Variants in CALN1 observed in about 807,000 individuals in gnomAD.
The protein encoded by CALN1 is calneuron 1, also known as calcium-binding protein 8.
CALN1 carries 17 observed loss-of-function variants against 30.6 expected under a neutral mutation model. The ratio of observed to expected loss-of-function variants is 0.56; its 90% CI spans 0.38 to 0.83. The LOEUF (loss-of-function observed/expected upper bound fraction) is 0.83. Among genes scored for constraint, CALN1 ranks in the 40% least tolerant of loss-of-function variants. CALN1 has a pLI of 0.00. For missense variants in CALN1, 291 were observed against 354.9 expected, an observed-to-expected ratio of 0.82 and a Z score of 1.45; for synonymous variants, 156 against 131.4, an observed-to-expected ratio of 1.19 and a Z score of -1.28.
At chr7:71,893,110 T>C (rs1793338636) in intron 5 of CALN1, among the ~76,000 whole-genome samples, 1 of 152,250 alleles carries the variant, frequency 6.6e-6, no homozygotes, top group Non-Finnish European at 1.5e-5. Flanking sequence ...CCACATTTTC[T>C]TGATAAGCTA....
chr7:71,895,265 T>C (rs2116905756), intron 5 of CALN1, among the ~76,000 whole-genome samples: 2 of 152,272 alleles, frequency 1.3e-5, no homozygotes, highest in Middle Eastern at 6.8e-3. Context: ...TTGAATTTCA[T>C]TTTCAATTTG....
intron 1 of CALN1, among the ~76,000 whole-genome samples, chr7:72,437,131 T>C (rs1347784316): frequency 1.3e-5 from 2 of 151,482 alleles, no homozygotes; most frequent in African/African-American, 4.9e-5. Flanking sequence ...TTAGAAACAC[T>C]CAAATTTTAG....
chr7:72,207,333 T>A (rs1210339910), intron 3 of CALN1, among the ~76,000 whole-genome samples: 1 of 152,130 alleles, frequency 6.6e-6, no homozygotes, highest in Non-Finnish European at 1.5e-5. Context: ...GACTTCTTGT[T>A]TTTCAAGTCT....
At chr7:72,448,608 G>T (rs540839554), upstream of CALN1, among the ~76,000 whole-genome samples, 1 of 151,584 alleles carries the variant, frequency 6.6e-6, no homozygotes, top group African/African-American at 2.4e-5. Flanking sequence ...GGCACCTTGC[G>T]TGATCTTTTT....
At chr7:71,988,580 G>A (rs1798796728) in intron 5 of CALN1, among the ~76,000 whole-genome samples, 1 of 152,080 alleles carries the variant, frequency 6.6e-6, no homozygotes, top group Non-Finnish European at 1.5e-5. Context: ...TTTATCTCCA[G>A]GTCACAGTTG....
chr7:71,985,401 T>C (rs541065352), intron 5 of CALN1, among the ~76,000 whole-genome samples: 274 of 152,090 alleles, frequency 1.8e-3, no homozygotes, highest in African/African-American at 6.0e-3. Flanking sequence ...CCCAGTACTT[T>C]GGGAAGCCGA....
intron 3 of CALN1, among the ~76,000 whole-genome samples, chr7:72,223,205 T>C (rs11972942): frequency 0.56 from 85,398 of 151,824 alleles, 24,265 homozygotes; most frequent in South Asian, 0.65. Context: ...GAAGAGGGGT[T>C]CCCATTCTTC....
the CALN1 span, among the ~76,000 whole-genome samples, chr7:72,503,973 A>G: frequency 6.6e-6 from 1 of 152,144 alleles, no homozygotes; most frequent in Admixed American, 6.6e-5. Context: ...CAAGAGCTGT[A>G]GCAACAAATC....
chr7:72,214,218 G>A (rs1206002704), intron 3 of CALN1, among the ~76,000 whole-genome samples: 7 of 152,202 alleles, frequency 4.6e-5, no homozygotes, highest in Admixed American at 3.3e-4. Flanking sequence ...AGTGGCTCAC[G>A]CCTGTAATCC....
chr7:71,971,953 A>AAAAAAAAGAAAGAAAGAAAG (rs1797839188), intron 5 of CALN1, among the ~76,000 whole-genome samples: 3 of 72,822 alleles, frequency 4.1e-5, no homozygotes, highest in South Asian at 7.1e-4. Context: ...AAAAAAAAAA[A>AAAAAAAAGAAAGAAAGAAAG]AAAGAAAGAA....
At chr7:72,420,090 G>A (rs560802161) in intron 1 of CALN1, among the ~76,000 whole-genome samples, 1 of 152,306 alleles carries the variant, frequency 6.6e-6, no homozygotes, top group South Asian at 2.1e-4. Flanking sequence ...GCTGTCCACA[G>A]TCTGCAGGCT....
intron 3 of CALN1, among the ~76,000 whole-genome samples, chr7:72,246,927 T>C (rs981419913): frequency 1.3e-5 from 2 of 151,988 alleles, no homozygotes; most frequent in Non-Finnish European, 2.9e-5. Flanking sequence ...GCTAATTTCA[T>C]ATTTTTAGTA....
chr7:72,498,315 T>C, the CALN1 span, among the ~76,000 whole-genome samples: 1 of 151,532 alleles, frequency 6.6e-6, no homozygotes, highest in African/African-American at 2.4e-5. Context: ...AAACATCAAA[T>C]CCTATTTATA....
At chr7:72,342,243 A>C (rs141916487) in intron 2 of CALN1, among the ~76,000 whole-genome samples, 190 of 141,802 alleles carry the variant, frequency 1.3e-3, no homozygotes, top group Non-Finnish European at 2.1e-3. Flanking sequence ...TGGGTGAAAG[A>C]CCAAGACTTT....
chr7:72,033,238 T>G (rs1411889064), intron 4 of CALN1, among the ~76,000 whole-genome samples: 2 of 152,118 alleles, frequency 1.3e-5, no homozygotes, highest in Non-Finnish European at 2.9e-5. Flanking sequence ...CAACATTCAT[T>G]AAGACCAACC....
chr7:72,485,873 CA>C, the CALN1 span, among the ~76,000 whole-genome samples: 8 of 143,880 alleles, frequency 5.6e-5, no homozygotes, highest in Non-Finnish European at 4.6e-5. Flanking sequence ...AACTACATCT[CA>C]AAAAAAAAAA....
chr7:72,016,179 G>C (rs1800369110), intron 5 of CALN1, among the ~76,000 whole-genome samples: 1 of 150,290 alleles, frequency 6.7e-6, no homozygotes, highest in African/African-American at 2.5e-5. Context: ...AACCCAGGAG[G>C]TGGAGGTTGC....
chr7:72,288,831 C>T (rs539923539), intron 2 of CALN1, among the ~76,000 whole-genome samples: 14 of 152,250 alleles, frequency 9.2e-5, no homozygotes, highest in African/African-American at 3.4e-4. Context: ...TTATTTTTAA[C>T]CCCTTTTCCC....
chr7:72,266,257 G>C (rs1241977035), intron 3 of CALN1, among the ~76,000 whole-genome samples: 1 of 152,140 alleles, frequency 6.6e-6, no homozygotes, highest in Non-Finnish European at 1.5e-5. Flanking sequence ...ACTAGAAGAA[G>C]TATGTTTTGA....
Sources: allele counts gnomAD v4.1 joint callset (sites outside exome capture counted in the v4.1 genomes callset), GRCh38; gene constraint gnomAD v4.1.1; transcripts MANE v1.5; gene names NCBI Gene and HGNC (gene_info 2026-07-23, HGNC 2026-07-21).